The following CACNA1I variants were observed in gnomAD, a reference collection of about 807,000 sequenced individuals.
CACNA1I encodes calcium voltage-gated channel subunit alpha1 I.
In CACNA1I, 74 loss-of-function variants were observed where a neutral mutation model predicts 201.6. The observed-to-expected ratio is 0.37, with a 90% confidence interval of 0.30 to 0.45. CACNA1I has a LOEUF of 0.45. Ranked by LOEUF, CACNA1I falls within the 20% of genes least tolerant of loss-of-function variation. The pLI, the probability that CACNA1I is intolerant of heterozygous loss-of-function variation, is 1.00. For synonymous variants in CACNA1I, 1,431 were observed against 1,345.2 expected (o/e 1.06, Z -1.40); for missense variants, 2,346 against 3,138.1 (o/e 0.75, Z 6.03).
intron 33 of CACNA1I, 84 bp from the exon 34 acceptor site, chr22:39,680,846 C>A: frequency 6.8e-7 from 1 of 1,471,046 alleles, no homozygotes; most frequent in Non-Finnish European, 9.1e-7. Flanking sequence ...TCTTCAGAGC[C>A]TCAGGCCTGT....
chr22:39,632,874 A>T (rs996962252), intron 4 of CACNA1I, among the ~76,000 whole-genome samples: 1 of 146,088 alleles, frequency 6.8e-6, no homozygotes, highest in Admixed American at 6.9e-5. Flanking sequence ...GGTGGTGGGG[A>T]GCTGAGCCTC....
rs190946957 is a variant in CACNA1I, at chr22:39,609,949, C to A, written c.482+9296C>A. ...TCTGTTGAGATCTCTAACGTCAATA[C>A]CAACCTAGGCAAGCTCCACAGAGCC... On this transcript the variant is annotated intron_variant, in intron 3 of 36. Transcript: ENST00000402142. 2.7e-3 allele frequency among the ~76,000 whole-genome samples: 405 copies of A among 152,324 alleles called. 1 individual carries two copies. The highest frequency in any genetic ancestry group is 0.014 in the Middle Eastern group (4 of 294).
chr22:39,586,070 C>T (rs895637462), intron 1 of CACNA1I, among the ~76,000 whole-genome samples: 3 of 151,766 alleles, frequency 2.0e-5, no homozygotes, highest in Admixed American at 1.3e-4. Context: ...CCCAGCTACT[C>T]AGGGGGCTGA....
chr22:39,589,278 G>A (rs4522708), intron 1 of CACNA1I, among the ~76,000 whole-genome samples: 57,803 of 151,994 alleles, frequency 0.38, 11,848 homozygotes, highest in East Asian at 0.81. Flanking sequence ...TCTGGGACGT[G>A]GCTTTTTGTG....
At chr22:39,630,918 GT>G (rs895826331) in intron 4 of CACNA1I, among the ~76,000 whole-genome samples, 174 of 152,254 alleles carry the variant, frequency 1.1e-3, no homozygotes, top group African/African-American at 3.9e-3. Context: ...GGGCTGGGGA[GT>G]GGGGATGCTG....
chr22:39,669,404 A>G (rs769885114), intron 24 of CACNA1I, among the ~76,000 whole-genome samples: 3 of 152,186 alleles, frequency 2.0e-5, no homozygotes, highest in Non-Finnish European at 4.4e-5. Context: ...CCACCAAGGA[A>G]TCTGTGCATC....
At chr22:39,602,365 G>A (rs769378740) in intron 3 of CACNA1I, among the ~76,000 whole-genome samples, 4 of 151,680 alleles carry the variant, frequency 2.6e-5, no homozygotes, top group South Asian at 2.1e-4. Flanking sequence ...GTGAGCCACC[G>A]CACCTGGCCT....
intron 4 of CACNA1I, among the ~76,000 whole-genome samples, chr22:39,620,605 A>C (rs1036944455): frequency 1.6e-4 from 24 of 152,238 alleles, no homozygotes; most frequent in African/African-American, 5.3e-4. Flanking sequence ...CCAGGGACGC[A>C]CTGCCAGTGA....
intron 18 of CACNA1I, 21 bp from the exon 19 acceptor site, chr22:39,663,697 G>GCCGCCC: frequency 3.1e-6 from 5 of 1,592,612 alleles, no homozygotes; most frequent in African/African-American, 1.3e-5. Context: ...CGCTCAGGCA[G>GCCGCCC]CCCCCGCCCA....
intron 5 of CACNA1I, among the ~76,000 whole-genome samples, chr22:39,638,310 A>T (rs1370339909): frequency 6.6e-6 from 1 of 152,330 alleles, no homozygotes; most frequent in East Asian, 1.9e-4. Flanking sequence ...GTGGTGGAAA[A>T]GTCTGTCCTT....
At chr22:39,668,422 G>A (rs759571322) in intron 24 of CACNA1I, 41 bp downstream of exon 24, 2 of 1,319,690 alleles carry the variant, frequency 1.5e-6, no homozygotes, top group East Asian at 2.3e-5. Flanking sequence ...GATGCAGGGA[G>A]GAACATGGTG....
chr22:39,647,991 C>T, intron 9 of CACNA1I, 65 bp downstream of exon 9: 1 of 1,424,808 alleles, frequency 7.0e-7, no homozygotes, highest in Non-Finnish European at 9.8e-7. Context: ...CCAGTTGGTG[C>T]TGAGAAGGAA....
chr22:39,664,508 C>T (rs1279607152), intron 20 of CACNA1I, among the ~76,000 whole-genome samples: 1 of 152,126 alleles, frequency 6.6e-6, no homozygotes, highest in Non-Finnish European at 1.5e-5. Flanking sequence ...CACCGGGAAC[C>T]TAACAGGGCG....
chr22:39,571,455 C>G (rs992750952), intron 1 of CACNA1I, among the ~76,000 whole-genome samples: 1 of 152,200 alleles, frequency 6.6e-6, no homozygotes, highest in Non-Finnish European at 1.5e-5. Context: ...CTTCCCAGGC[C>G]TCCTGCCTCC....
At chr22:39,588,128 ATTT>A (rs35332612) in intron 1 of CACNA1I, among the ~76,000 whole-genome samples, 4 of 90,586 alleles carry the variant, frequency 4.4e-5, no homozygotes, top group African/African-American at 1.4e-4. Context: ...GTTGCTCTTC[ATTT>A]TTTTTTTTTT....
intron 1 of CACNA1I, among the ~76,000 whole-genome samples, chr22:39,596,852 G>A (rs1292386417): frequency 6.6e-6 from 1 of 152,036 alleles, no homozygotes; most frequent in Admixed American, 6.5e-5. Context: ...TTCAAATGCA[G>A]GTCTCCTGGC....
chr22:39,595,482 G>A (rs984335453), intron 1 of CACNA1I, among the ~76,000 whole-genome samples: 2 of 151,824 alleles, frequency 1.3e-5, no homozygotes, highest in African/African-American at 2.4e-5. Context: ...AAAATTAGCC[G>A]GGCATAGTGG....
Position 39,663,997 on chromosome 22 carries a change from C to A in CACNA1I, c.3598-94C>A, listed in dbSNP as rs1935104670. ...CCTCCGTGAACTGAGAGGTGGCAGC[C>A]TCTCCTCTACGAACCTTGGCCAAAG... is the stretch of plus-strand genomic sequence containing the variant. On this transcript the variant is annotated intron_variant, in intron 19 of 36. Coordinates refer to ENST00000402142, the MANE Select transcript of CACNA1I (RefSeq NM_021096.4). 4.0e-6 allele frequency: 6 copies of A among 1,515,580 alleles called. No homozygotes were observed. In the South Asian group the frequency reaches 6.8e-5, roughly 17 times the overall value. The allele number at this position is 1,515,580 out of a possible 1,614,324, so 93.9% of individuals were successfully genotyped here.
chr22:39,570,863 C>T lies in CACNA1I; in HGVS notation c.111C>T (p.Gly37=). 1 of 1,613,714 alleles carries T rather than the reference C, an allele frequency of 6.2e-7. No homozygotes were observed. Among genetic ancestry groups the T allele is most frequent in the Non-Finnish European group, 8.5e-7 (1 of 1,179,826 alleles). Residue 37 remains glycine, a synonymous_variant, in exon 1 of 37, where the codon GGC becomes GGT. Transcript: ENST00000402142. ...GPRSPPSSPP[G]LEEPLDGADP... ...GGAGCCCCCCATCCTCCCCGCCAGG[C>T]CTGGAGGAGCCTCTGGATGGAGCTG...
Sources: gnomAD v4.1 joint callset for allele counts (sites outside exome capture counted in the v4.1 genomes callset) on GRCh38, gnomAD v4.1.1 for gene constraint, MANE v1.5 for transcripts, NCBI Gene and HGNC (gene_info 2026-07-23, HGNC 2026-07-21) for gene names.